Variants in SASH1 observed in about 807,000 individuals in gnomAD.
The protein encoded by SASH1 is SAM and SH3 domain-containing protein 1.
SASH1 carries 44 observed loss-of-function variants against 125.2 expected under a neutral mutation model. That is an observed-to-expected ratio of 0.35 (90% confidence interval 0.28 to 0.45). The LOEUF (loss-of-function observed/expected upper bound fraction) is 0.45, where lower values mean the gene tolerates loss of function less well. Ranked by LOEUF, SASH1 falls within the 20% of genes least tolerant of loss-of-function variation. The pLI is 1.00. For synonymous variants in SASH1, 639 were observed against 649.1 expected, an observed-to-expected ratio of 0.98 and a Z score of 0.24; for missense variants, 1,426 against 1,614.5, an observed-to-expected ratio of 0.88 and a Z score of 2.00.
the SASH1 span, among the ~76,000 whole-genome samples, chr6:148,199,922 A>G: frequency 2.0e-5 from 3 of 152,198 alleles, no homozygotes; most frequent in East Asian, 3.8e-4. Flanking sequence ...TCATCAGTCA[A>G]AACTGATATT....
intron 1 of SASH1, among the ~76,000 whole-genome samples, chr6:148,280,059 TC>T (rs1297196665): frequency 4.8e-5 from 2 of 42,054 alleles, no homozygotes; most frequent in Non-Finnish European, 8.8e-5. Context: ...CTAACATCAT[TC>T]CCCCCCATCA....
chr6:148,272,299 G>A (rs1236083547), upstream of SASH1: 16 of 467,874 alleles, frequency 3.4e-5, no homozygotes, highest in East Asian at 3.5e-4. Flanking sequence ...AGATTCATGC[G>A]ATCTGAGTCA....
chr6:148,272,752 T>C (rs1476111753), intron 1 of SASH1, among the ~76,000 whole-genome samples: 1 of 152,190 alleles, frequency 6.6e-6, no homozygotes, highest in Admixed American at 6.5e-5. Flanking sequence ...TTTTAAAGAT[T>C]TGCACACACG....
intron 8 of SASH1, among the ~76,000 whole-genome samples, chr6:148,494,604 C>A (rs767069773): frequency 6.6e-6 from 1 of 151,916 alleles, no homozygotes; most frequent in Non-Finnish European, 1.5e-5. Flanking sequence ...TCCAGCCTGG[C>A]GACAGAACAA....
the SASH1 span, among the ~76,000 whole-genome samples, chr6:148,247,095 G>T: frequency 2.0e-5 from 3 of 152,166 alleles, no homozygotes; most frequent in African/African-American, 7.2e-5. Context: ...ATTTGCCATG[G>T]TCCATGGACT....
At chr6:148,362,126 T>A (rs7751482) in intron 1 of SASH1, among the ~76,000 whole-genome samples, 109,564 of 150,834 alleles carry the variant, frequency 0.73, 40,354 homozygotes, top group East Asian at 0.88. Context: ...ACGGGGTTTC[T>A]CCGTGTTAGC....
At chr6:148,291,527 A>G (rs1277253946) in intron 1 of SASH1, among the ~76,000 whole-genome samples, 1 of 152,100 alleles carries the variant, frequency 6.6e-6, no homozygotes, top group East Asian at 1.9e-4. Context: ...AAAAAATACA[A>G]AAAAGATTAG....
chr6:148,372,441 G>A (rs1782736671), intron 1 of SASH1, among the ~76,000 whole-genome samples: 1 of 152,112 alleles, frequency 6.6e-6, no homozygotes, highest in South Asian at 2.1e-4. Flanking sequence ...CATACAAAGA[G>A]AACAGGATGA....
intron 2 of SASH1, among the ~76,000 whole-genome samples, chr6:148,408,757 A>C (rs1185913304): frequency 6.6e-6 from 1 of 152,072 alleles, no homozygotes; most frequent in Non-Finnish European, 1.5e-5. Flanking sequence ...CAGTGTTGTG[A>C]GCCTTTCTCA....
intron 4 of SASH1, among the ~76,000 whole-genome samples, chr6:148,454,986 A>G (rs901890366): frequency 1.3e-5 from 2 of 152,138 alleles, no homozygotes; most frequent in Non-Finnish European, 2.9e-5. Context: ...AGTATTTGCC[A>G]CTTGTTTTAT....
At chr6:148,494,226 T>A (rs1207041355) in intron 8 of SASH1, among the ~76,000 whole-genome samples, 2 of 152,174 alleles carry the variant, frequency 1.3e-5, no homozygotes, top group African/African-American at 4.8e-5. Flanking sequence ...TTATTTAAAA[T>A]TTTTTAAGAA....
chr6:148,549,357 T>TAA lies in SASH1; in HGVS notation c.*800_*801dup, dbSNP rs1782760160. The TAA allele has an allele frequency of 5.7e-6, 2 of 352,750 alleles. No homozygotes were observed. Among genetic ancestry groups the TAA allele is most frequent in the Non-Finnish European group, 1.0e-5 (2 of 197,508 alleles). 21.9% of individuals were successfully genotyped at this position (352,750 alleles called of 1,614,324 possible). On this transcript the variant is annotated 3_prime_UTR_variant, in exon 20 of 20. Coordinates refer to ENST00000367467, the MANE Select transcript of SASH1 (RefSeq NM_015278.5). ...TCATGTTGGTTTTTGGTTTTTAAGC[T>TAA]AACTACAAATCTAGTAAAAAGCTAT... is the stretch of plus-strand genomic sequence containing the variant.
chr6:148,372,417 G>C (rs995967786), intron 1 of SASH1, among the ~76,000 whole-genome samples: 6 of 152,146 alleles, frequency 3.9e-5, no homozygotes, highest in African/African-American at 9.6e-5. Flanking sequence ...TATTCCATTT[G>C]TTTCTTTTGA....
intron 10 of SASH1, among the ~76,000 whole-genome samples, chr6:148,521,060 T>C (rs1353790183): frequency 1.3e-5 from 2 of 152,076 alleles, no homozygotes; most frequent in Admixed American, 6.6e-5. Context: ...TTTCAAAGAG[T>C]AGGATGTTTT....
At chr6:148,249,453 G>C in the SASH1 span, among the ~76,000 whole-genome samples, 1 of 152,172 alleles carries the variant, frequency 6.6e-6, no homozygotes, top group South Asian at 2.1e-4. Context: ...CAGTCTGTGT[G>C]ATCAAGCCAG....
intron 2 of SASH1, among the ~76,000 whole-genome samples, chr6:148,397,319 A>G (rs1783997291): frequency 6.6e-6 from 1 of 152,002 alleles, no homozygotes; most frequent in Admixed American, 6.6e-5. Context: ...CATCTCTACT[A>G]AAAATCCAAA....
At chr6:148,442,520 TTC>T (rs149857765) in intron 4 of SASH1, among the ~76,000 whole-genome samples, 6 of 150,182 alleles carry the variant, frequency 4.0e-5, no homozygotes, top group Non-Finnish European at 5.9e-5. Context: ...CTCCTGAGCT[TTC>T]TCTCTCTCTC....
At chr6:148,349,553 G>A (rs974328198) in intron 1 of SASH1, among the ~76,000 whole-genome samples, 1 of 151,954 alleles carries the variant, frequency 6.6e-6, no homozygotes, top group Non-Finnish European at 1.5e-5. Context: ...CGTGAGCCAC[G>A]ACGCCCGCCC....
chr6:148,256,693 GGAGTT>G, the SASH1 span, among the ~76,000 whole-genome samples: 1 of 152,176 alleles, frequency 6.6e-6, no homozygotes, highest in Non-Finnish European at 1.5e-5. Context: ...GGATCCAAAA[GGAGTT>G]GACTGCAAAG....
Sources: gnomAD v4.1 joint callset for allele counts (sites outside exome capture counted in the v4.1 genomes callset) on GRCh38, gnomAD v4.1.1 for gene constraint, MANE v1.5 for transcripts, NCBI Gene and HGNC (gene_info 2026-07-23, HGNC 2026-07-21) for gene names.